CACNA2D3: variants seen among roughly 807,000 people sequenced by gnomAD.
The protein encoded by CACNA2D3 is calcium voltage-gated channel auxiliary subunit alpha2delta 3.
A neutral mutation model predicts 160.6 loss-of-function variants in CACNA2D3; 60 were observed. That is an observed-to-expected ratio of 0.37 (90% CI 0.30 to 0.46). CACNA2D3 has a LOEUF of 0.46. Among genes scored for constraint, CACNA2D3 ranks in the 20% least tolerant of loss-of-function variants. CACNA2D3 has a pLI of 1.00. For synonymous variants in CACNA2D3, 558 were observed against 492.9 expected, an observed-to-expected ratio of 1.13 and a Z score of -1.75; for missense variants, 1,205 against 1,365.0, an observed-to-expected ratio of 0.88 and a Z score of 1.85.
At chr3:54,528,647 C>A (rs1575505083) in intron 5 of CACNA2D3, among the ~76,000 whole-genome samples, 1 of 152,132 alleles carries the variant, frequency 6.6e-6, no homozygotes. Flanking sequence ...TGTGGCTGGG[C>A]AAACACACGT....
rs1333571910 is a variant in CACNA2D3 at position 54,899,796 on chromosome 3, A to G, written c.2377A>G (p.Asn793Asp). The G allele has an allele frequency of 6.2e-7, 1 of 1,607,896 alleles. No homozygotes were observed. Among genetic ancestry groups the G allele is most frequent in the East Asian group, 2.2e-5 (1 of 44,746 alleles). The change falls in exon 27 of 38, where the codon AAT becomes GAT. Residue 793 changes from asparagine (N) to aspartate (D), a missense_variant. Asn to Asp is a conservative substitution (Grantham distance 23). Transcript: ENST00000474759. The part of the protein sequence containing the change: ...YSIPFSTGPV[N>D]KSNVVTASTS... ...GTTTTTTCTTTTCACAGGACCAGTC[A>G]ATAAAAGCAATGTGGTGACAGCAAG...
chr3:54,788,585 A>G (rs1391723013), intron 13 of CACNA2D3, among the ~76,000 whole-genome samples: 1 of 152,184 alleles, frequency 6.6e-6, no homozygotes, highest in African/African-American at 2.4e-5. Context: ...ACTTGGTGCT[A>G]TCAGTGACCA....
At chr3:54,667,213 A>G (rs906729305) in intron 11 of CACNA2D3, among the ~76,000 whole-genome samples, 3 of 148,592 alleles carry the variant, frequency 2.0e-5, no homozygotes, top group Non-Finnish European at 3.0e-5. Flanking sequence ...TGTAAAAAGG[A>G]CCCTACCTTG....
chr3:54,593,042 G>A (rs1172605050), intron 9 of CACNA2D3, among the ~76,000 whole-genome samples: 2 of 152,190 alleles, frequency 1.3e-5, no homozygotes, highest in South Asian at 4.1e-4. Flanking sequence ...GGCAAATGTT[G>A]CCTGCTGAAA....
At chr3:54,458,977 A>G (rs1327715493) in intron 4 of CACNA2D3, among the ~76,000 whole-genome samples, 2 of 151,628 alleles carry the variant, frequency 1.3e-5, no homozygotes, top group East Asian at 1.9e-4. Flanking sequence ...CTGTGTCCAT[A>G]TGTTCTCATT....
chr3:54,634,283 C>G (rs1043337195), intron 10 of CACNA2D3, among the ~76,000 whole-genome samples: 5 of 152,206 alleles, frequency 3.3e-5, no homozygotes, highest in African/African-American at 4.8e-5. Flanking sequence ...CCTGGAATAT[C>G]TTTCCCTCAG....
At chr3:54,593,455 A>C (rs1166472272) in intron 9 of CACNA2D3, among the ~76,000 whole-genome samples, 3 of 152,052 alleles carry the variant, frequency 2.0e-5, no homozygotes, top group African/African-American at 7.2e-5. Flanking sequence ...GGAAGAATAA[A>C]GGAACAGAGG....
intron 2 of CACNA2D3, among the ~76,000 whole-genome samples, chr3:54,130,920 C>T (rs1349418246): frequency 3.3e-5 from 5 of 152,180 alleles, no homozygotes; most frequent in Admixed American, 6.5e-5. Context: ...TCCTCTTCAG[C>T]GTTGCCTTGT....
At chr3:54,174,669 C>T (rs918908168) in intron 2 of CACNA2D3, among the ~76,000 whole-genome samples, 3 of 152,162 alleles carry the variant, frequency 2.0e-5, no homozygotes, top group Non-Finnish European at 4.4e-5. Context: ...GGACTACAGG[C>T]GCCCGCCACC....
At chr3:54,578,854 G>A (rs1303653171) in intron 8 of CACNA2D3, among the ~76,000 whole-genome samples, 1 of 152,182 alleles carries the variant, frequency 6.6e-6, no homozygotes, top group Non-Finnish European at 1.5e-5. Context: ...CACAAGTATA[G>A]ACTTTTATAT....
intron 13 of CACNA2D3, among the ~76,000 whole-genome samples, chr3:54,796,537 TA>T (rs1326878795): frequency 6.6e-6 from 1 of 152,172 alleles, no homozygotes; most frequent in Admixed American, 6.6e-5. Context: ...TGGGCCAAGG[TA>T]AAAACAATAT....
chr3:54,445,555 T>TGCACAC (rs140682990), intron 4 of CACNA2D3, among the ~76,000 whole-genome samples: 1 of 147,112 alleles, frequency 6.8e-6, no homozygotes, highest in Non-Finnish European at 1.5e-5. Flanking sequence ...TTTCTATGTA[T>TGCACAC]ACACACACAC....
intron 11 of CACNA2D3, among the ~76,000 whole-genome samples, chr3:54,709,360 C>T (rs918990769): frequency 4.8e-5 from 4 of 82,738 alleles, no homozygotes; most frequent in African/African-American, 1.7e-4. Flanking sequence ...TCCTCTCTCT[C>T]TCTCTTTTTT....
rs3836392 is a variant in CACNA2D3, at chr3:54,891,180, C to CGTGTGTGTGTGTGT, written c.2151-146_2151-133dup. 7.0e-4 allele frequency among the ~76,000 whole-genome samples: 99 copies of CGTGTGTGTGTGTGT among 141,982 alleles called. 2 individuals are homozygous for CGTGTGTGTGTGTGT. The highest frequency in any genetic ancestry group is 2.3e-3 in the African/African-American group (88 of 37,934). 93.1% of individuals were successfully genotyped at this position (141,982 alleles called of 152,430 possible). ...GGGATACAAGTTGGCAATCTGTGCT[C>CGTGTGTGTGTGTGT]GTGTGTGTGTGTGTGTGTGTGTGTG... On this transcript the variant is annotated intron_variant, in intron 24 of 37. Coordinates refer to ENST00000474759, the MANE Select transcript of CACNA2D3 (RefSeq NM_018398.3).
chr3:54,784,454 T>C (rs1278183064), intron 13 of CACNA2D3, among the ~76,000 whole-genome samples: 1 of 152,094 alleles, frequency 6.6e-6, no homozygotes, highest in Admixed American at 6.5e-5. Context: ...TTTTTTTTAA[T>C]AACCGAACTC....
At chr3:54,824,662 G>A (rs1237025111) in intron 14 of CACNA2D3, among the ~76,000 whole-genome samples, 3 of 152,180 alleles carry the variant, frequency 2.0e-5, no homozygotes, top group Admixed American at 1.3e-4. Context: ...AGGATACATC[G>A]TCCTGAGCCT....
At chr3:54,945,961 T>G (rs1050230347) in intron 27 of CACNA2D3, among the ~76,000 whole-genome samples, 2 of 152,232 alleles carry the variant, frequency 1.3e-5, no homozygotes, top group Non-Finnish European at 2.9e-5. Flanking sequence ...GCTCCTGCTC[T>G]TCACAAGAGT....
intron 4 of CACNA2D3, among the ~76,000 whole-genome samples, chr3:54,415,832 A>G (rs114384949): frequency 0.021 from 3,231 of 152,310 alleles, 108 homozygotes; most frequent in African/African-American, 0.074. Flanking sequence ...TTCAAAGACC[A>G]GTAAGCCATA....
intron 1 of CACNA2D3, 112 bp from the exon 2 acceptor site, chr3:54,123,401 T>A: frequency 1.3e-6 from 1 of 763,430 alleles, no homozygotes; most frequent in East Asian, 2.6e-5. Flanking sequence ...TTTTAAAACA[T>A]GTTACATCGC....
Sources: allele counts gnomAD v4.1 joint callset (sites outside exome capture counted in the v4.1 genomes callset), GRCh38; gene constraint gnomAD v4.1.1; transcripts MANE v1.5; gene names NCBI Gene and HGNC (gene_info 2026-07-23, HGNC 2026-07-21).